LAMA4: variants seen among roughly 807,000 people sequenced by gnomAD.
LAMA4 encodes laminin subunit alpha 4.
Under a neutral mutation model 207.1 loss-of-function variants are expected in LAMA4, and 127 were observed. The ratio of observed to expected loss-of-function variants is 0.61; its 90% confidence interval spans 0.53 to 0.71. The LOEUF (loss-of-function observed/expected upper bound fraction) is 0.71, where lower values mean the gene tolerates loss of function less well. LAMA4 is among the 30% of genes least tolerant of loss of function. The pLI, the probability that LAMA4 is intolerant of heterozygous loss-of-function variation, is 0.00. For missense variants in LAMA4, 2,093 were observed against 2,246.5 expected, an observed-to-expected ratio of 0.93 and a Z score of 1.38; for synonymous variants, 761 against 816.0, an observed-to-expected ratio of 0.93 and a Z score of 1.15.
intron 16 of LAMA4, among the ~76,000 whole-genome samples, chr6:112,151,020 A>T (rs1780369402): frequency 6.6e-6 from 1 of 152,224 alleles, no homozygotes; most frequent in African/African-American, 2.4e-5. Flanking sequence ...TTTCAATAAA[A>T]TTTTAATTGC....
chr6:112,221,685 T>G (rs1313284804), intron 2 of LAMA4, among the ~76,000 whole-genome samples: 1 of 152,174 alleles, frequency 6.6e-6, no homozygotes, highest in Non-Finnish European at 1.5e-5. Flanking sequence ...CAGCTTAAGA[T>G]AGAATGTTAT....
At chr6:112,217,989 GAGAT>G (rs1484511964) in intron 2 of LAMA4, 1 of 152,146 alleles carries the variant, frequency 6.6e-6, no homozygotes, top group African/African-American at 2.4e-5. Flanking sequence ...TGTAGATATG[GAGAT>G]AGATATAGAT....
chr6:112,187,575 T>TCC lies in LAMA4; in HGVS notation c.840_841insGG (p.Thr281GlyfsTer7), dbSNP rs1782765990. 1 of 1,613,962 alleles carries TCC rather than the reference T, an allele frequency of 6.2e-7. No individual in the cohort carries two copies. Among genetic ancestry groups the TCC allele is most frequent in the Admixed American group, 1.7e-5 (1 of 60,002 alleles). ...AGCGCTGCTAACCGCAGGTCATCAG[T>TCC]CAGGTCCCAGACGCACTTATCACAG... On this transcript the variant is annotated frameshift_variant, in exon 8 of 39. Transcript: ENST00000230538. LOFTEE classifies it high-confidence loss of function.
Position 112,149,498 on chromosome 6 carries a change from T to G in LAMA4, c.2173+1013A>C, listed in dbSNP as rs1780244811. Among the ~76,000 whole-genome samples, 3 of 152,228 alleles carry G rather than the reference T, an allele frequency of 2.0e-5. No individual in the cohort carries two copies. In the South Asian group the frequency reaches 6.2e-4, roughly 32 times the overall value. On this transcript the variant is annotated intron_variant, in intron 17 of 38. Coordinates refer to ENST00000230538, the MANE Select transcript of LAMA4 (RefSeq NM_001105206.3). ...CTTGTGATAGTGAGTTCTCATGAGA[T>G]CTCGTGGTTTTATAAGTGTCTGGCA...
chr6:112,136,753 A>G (rs1167015709), intron 24 of LAMA4, among the ~76,000 whole-genome samples: 2 of 151,912 alleles, frequency 1.3e-5, no homozygotes, highest in Admixed American at 1.3e-4. Context: ...TTATTAATAC[A>G]TAAAAGTTAA....
chr6:112,148,275 C>A lies in LAMA4; in HGVS notation c.2235G>T (p.Thr745=), dbSNP rs1220496259. Reference sequence around the variant, plus strand: ...GGGCAGTGGCCTGCTGCACCTCCATCGTCGTCCTGTTGGCTTCCTCGGTGA... The same window carrying A: ...GGGCAGTGGCCTGCTGCACCTCCATAGTCGTCCTGTTGGCTTCCTCGGTGA... ...RLITEEANRT[T]MEVQQATAPM... is the part of the protein sequence containing the mutation. The change falls in exon 18 of 39, where the codon ACG becomes ACT. Residue 745 remains threonine, a synonymous_variant. Coordinates refer to ENST00000230538, the MANE Select transcript of LAMA4 (RefSeq NM_001105206.3). 1 of 1,614,206 alleles carries A rather than the reference C, an allele frequency of 6.2e-7. No homozygotes were observed.
At chr6:112,233,709 T>G (rs1270991646) in intron 2 of LAMA4, among the ~76,000 whole-genome samples, 3 of 152,224 alleles carry the variant, frequency 2.0e-5, no homozygotes, top group African/African-American at 7.2e-5. Context: ...AGGGCAATTT[T>G]TAGTTTACTC....
intron 12 of LAMA4, among the ~76,000 whole-genome samples, chr6:112,168,803 C>G (rs1210775185): frequency 6.6e-6 from 1 of 152,122 alleles, no homozygotes; most frequent in Non-Finnish European, 1.5e-5. Flanking sequence ...ATAGTTTTCA[C>G]TGAATTCTCA....
intron 37 of LAMA4, among the ~76,000 whole-genome samples, 185 bp downstream of exon 37, chr6:112,114,478 C>T (rs753191259): frequency 1.2e-4 from 19 of 152,050 alleles, no homozygotes; most frequent in Non-Finnish European, 2.8e-4. Flanking sequence ...AATTTTGCAG[C>T]GTTCATATTT....
At chr6:112,146,300 A>C (rs1554334511) in intron 18 of LAMA4, among the ~76,000 whole-genome samples, 1 of 152,142 alleles carries the variant, frequency 6.6e-6, no homozygotes, top group African/African-American at 2.4e-5. Flanking sequence ...AAAAAAAAAA[A>C]AGCACCAGTC....
At chr6:112,143,644 G>T (rs1283937015) in intron 19 of LAMA4, among the ~76,000 whole-genome samples, 1 of 152,196 alleles carries the variant, frequency 6.6e-6, no homozygotes, top group Non-Finnish European at 1.5e-5. Flanking sequence ...ATTAATAAGT[G>T]AGAGTCTGAG....
At chr6:112,157,301 C>G (rs972433079) in intron 14 of LAMA4, among the ~76,000 whole-genome samples, 1 of 141,026 alleles carries the variant, frequency 7.1e-6, no homozygotes, top group African/African-American at 2.8e-5. Context: ...TGAAACAAAG[C>G]CTTTATTACT....
At chr6:112,121,956 A>G in intron 32 of LAMA4, 58 bp downstream of exon 32, 1 of 1,489,578 alleles carries the variant, frequency 6.7e-7, no homozygotes, top group Non-Finnish European at 9.4e-7. Flanking sequence ...CATGTGACAA[A>G]CAAAGATGGA....
In LAMA4 at chr6:112,109,546, G is replaced by T. The variant is rs1554320975; in HGVS notation, c.5363C>A (p.Pro1788His). Residue 1788 changes from proline (P) to histidine (H), a missense_variant, in exon 39 of 39, where the codon CCC (proline) becomes CAC (histidine). By Grantham distance (77) the Pro-to-His change is moderately conservative (BLOSUM62 -2). This residue lies in a region of LAMA4 where 383 missense variants were observed against 437.8 expected (regional missense o/e 0.87). Coordinates refer to ENST00000230538, the MANE Select transcript of LAMA4 (RefSeq NM_001105206.3). ...AAAGTGGCGTATGCAGCCTGTGAAG[G>T]GTTTGCTGGGGGCCAAGCGTGGTGT... is the stretch of plus-strand genomic sequence containing the variant. The part of the protein sequence containing the change: ...LLTPRLAPSK[P>H]FTGCIRHFVI... The T allele has an allele frequency of 6.2e-7, 1 of 1,614,050 alleles. No homozygotes were observed.
intron 13 of LAMA4, 43 bp from the exon 14 acceptor site, chr6:112,158,923 C>T (rs937052017): frequency 3.6e-6 from 5 of 1,382,464 alleles, no homozygotes; most frequent in Non-Finnish European, 5.1e-6. Context: ...TTTAGAAGAA[C>T]TTAAAACATT....
chr6:112,187,543 G>T lies in LAMA4; in HGVS notation c.873C>A (p.Ile291=). The T allele has an allele frequency of 6.2e-7, 1 of 1,614,078 alleles. No individual in the cohort carries two copies. The highest frequency in any genetic ancestry group is 8.5e-7 in the Non-Finnish European group (1 of 1,179,976). Residue 291 remains isoleucine, a synonymous_variant, in exon 8 of 39, where the codon ATC becomes ATA. Transcript: ENST00000230538. ...TDDLRLAALS[I]EEGKSGVLSV... ...TCAGCACCCCGGATTTGCCTTCCTCGATGGAGAGCGCTGCTAACCGCAGGT... is the reference window on the plus strand; with the variant it reads ...TCAGCACCCCGGATTTGCCTTCCTCTATGGAGAGCGCTGCTAACCGCAGGT...
chr6:112,191,631 T>C lies in LAMA4; in HGVS notation c.718+5A>G, dbSNP rs368440475. 3.1e-6 allele frequency: 5 copies of C among 1,607,698 alleles called. No individual in the cohort carries two copies. In the African/African-American group the frequency reaches 4.0e-5, roughly 13 times the overall value. ...GCAGCTGGCTTAGTATTTATGATAC[T>C]GCACCTGCACAGTTCTTGGCTATCC... is the stretch of plus-strand genomic sequence containing the variant. On this transcript the variant is annotated splice_donor_5th_base_variant and intron_variant, in intron 6 of 38. Coordinates refer to ENST00000230538, the MANE Select transcript of LAMA4 (RefSeq NM_001105206.3).
At chr6:112,247,985 A>C (rs575669613) in intron 2 of LAMA4, among the ~76,000 whole-genome samples, 2,664 of 152,342 alleles carry the variant, frequency 0.017, 81 homozygotes, top group African/African-American at 0.062. Context: ...AGCTAGGCAC[A>C]AAAGGATAAG....
Position 112,118,703 on chromosome 6 carries a change from T to TTGTGTGTG in LAMA4, c.4821+445_4821+452dup. Among the ~76,000 whole-genome samples, 2 of 124,962 alleles carry TTGTGTGTG rather than the reference T, an allele frequency of 1.6e-5. No individual in the cohort carries two copies. The highest frequency in any genetic ancestry group is 6.1e-5 in the African/African-American group (2 of 32,774). 82.0% of individuals were successfully genotyped at this position (124,962 alleles called of 152,430 possible). A position where few individuals can be genotyped will look rare whatever the true frequency, so the allele number is the denominator to read the frequency against. On this transcript the variant is annotated intron_variant, in intron 34 of 38. Coordinates refer to ENST00000230538, the MANE Select transcript of LAMA4 (RefSeq NM_001105206.3). This position sits in a 1 kb window ranked among gnomAD's most constrained non-coding sequence, Gnocchi z 4.6. The stretch of plus-strand genomic sequence containing the variant: ...CCACATTTCCTTATACATTTACAAA[T>TTGTGTGTG]TGTGTGTGTGTGTGTGTATGTGTGT...
Sources: allele counts gnomAD v4.1 joint callset (sites outside exome capture counted in the v4.1 genomes callset), GRCh38; gene constraint gnomAD v4.1.1; regional missense constraint gnomAD v4.1.1; non-coding constraint Gnocchi (gnomAD v3.1); transcripts MANE v1.5; gene names NCBI Gene and HGNC (gene_info 2026-07-23, HGNC 2026-07-21).